Variants in ACP3 observed in about 807,000 individuals in gnomAD.
ACP3 encodes prostatic acid phosphatase.
ACP3 carries 38 observed loss-of-function variants against 45.6 expected under a neutral mutation model. The observed-to-expected ratio is 0.83, with a 90% confidence interval of 0.64 to 1.09. The LOEUF (loss-of-function observed/expected upper bound fraction) is 1.09. ACP3 is among the 50% of genes least tolerant of loss of function. The pLI is 0.00. For synonymous variants in ACP3, 162 were observed against 164.7 expected, an observed-to-expected ratio of 0.98 and a Z score of 0.13; for missense variants, 466 against 463.2, an observed-to-expected ratio of 1.01 and a Z score of -0.05.
chr3:132,324,577 G>T (rs760102336), intron 1 of ACP3, among the ~76,000 whole-genome samples: 1 of 152,140 alleles, frequency 6.6e-6, no homozygotes, highest in African/African-American at 2.4e-5. Flanking sequence ...ATTAAAAGAG[G>T]TAGCAGGGGA....
downstream of ACP3, among the ~76,000 whole-genome samples, chr3:132,359,256 T>C (rs1937987925): frequency 6.6e-6 from 1 of 152,206 alleles, no homozygotes; most frequent in Non-Finnish European, 1.5e-5. Context: ...CTCAGGCCTG[T>C]AATCCCAGCA....
At chr3:132,362,689 A>C (rs934573699), downstream of ACP3, among the ~76,000 whole-genome samples, 2 of 152,242 alleles carry the variant, frequency 1.3e-5, no homozygotes, top group Non-Finnish European at 2.9e-5. Flanking sequence ...TGAAACCTGA[A>C]GGAGAAATGG....
chr3:132,359,059 G>C (rs6787211), downstream of ACP3, among the ~76,000 whole-genome samples: 181 of 152,262 alleles, frequency 1.2e-3, no homozygotes, highest in African/African-American at 4.1e-3. Context: ...CAATATACTA[G>C]GGAAGTAAAG....
chr3:132,348,027 C>T (rs978242021), intron 7 of ACP3, among the ~76,000 whole-genome samples: 2 of 152,162 alleles, frequency 1.3e-5, no homozygotes, highest in Non-Finnish European at 2.9e-5. Flanking sequence ...TATTGAAATA[C>T]AGCCACACTC....
intron 1 of ACP3, among the ~76,000 whole-genome samples, chr3:132,324,366 G>A (rs1023772751): frequency 2.0e-5 from 3 of 152,122 alleles, no homozygotes; most frequent in East Asian, 1.9e-4. Context: ...ATTCATGGGG[G>A]CACCAAACCA....
intron 10 of ACP3, among the ~76,000 whole-genome samples, chr3:132,366,633 A>G (rs1021941158): frequency 2.6e-5 from 4 of 152,196 alleles, no homozygotes; most frequent in Non-Finnish European, 5.9e-5. Context: ...TCAAGAGTTC[A>G]GTTTTGGACT....
chr3:132,358,181 GGT>G lies in ACP3; in HGVS notation c.*1308_*1309del. ...GAGGCAGGAGGATCACTTTAGGCCT[GGT>G]GTGTTCAAGACCAGCCTGGTCAACA... On this transcript the variant is annotated 3_prime_UTR_variant, in exon 10 of 10. Coordinates refer to ENST00000336375, the MANE Select transcript of ACP3 (RefSeq NM_001099.5). 1.1e-6 allele frequency: 1 copy of G among 913,982 alleles called. No individual in the cohort carries two copies. The highest frequency in any genetic ancestry group is 1.3e-6 in the Non-Finnish European group (1 of 750,084). 56.6% of individuals were successfully genotyped at this position (913,982 alleles called of 1,614,324 possible).
intron 5 of ACP3, among the ~76,000 whole-genome samples, chr3:132,339,458 C>T (rs894054376): frequency 2.6e-5 from 4 of 152,332 alleles, no homozygotes; most frequent in South Asian, 2.1e-4. Flanking sequence ...GGCCCCAAAA[C>T]TGGCCACCCC....
intron 7 of ACP3, among the ~76,000 whole-genome samples, chr3:132,347,872 C>CA (rs781155077): frequency 3.1e-4 from 47 of 150,084 alleles, no homozygotes; most frequent in African/African-American, 7.4e-4. Context: ...CACACACACA[C>CA]CAAAAAAATC....
At chr3:132,338,920 G>A (rs1009682939) in intron 5 of ACP3, among the ~76,000 whole-genome samples, 8 of 152,080 alleles carry the variant, frequency 5.3e-5, no homozygotes, top group African/African-American at 1.9e-4. Flanking sequence ...ATGCAGGTTT[G>A]TTATATAGGT....
intron 10 of ACP3, among the ~76,000 whole-genome samples, chr3:132,364,237 C>A (rs977013876): frequency 6.6e-6 from 1 of 151,930 alleles, no homozygotes; most frequent in Non-Finnish European, 1.5e-5. Context: ...TCCCAGCTTC[C>A]CCCGGGAGGC....
rs1319728700 is a variant in ACP3 at position 132,344,925 on chromosome 3, A to G, written c.649-2A>G. 24 of 1,613,390 alleles carry G rather than the reference A, an allele frequency of 1.5e-5. No homozygotes were observed. The Admixed American group carries it at 3.5e-4, about 24-fold the overall frequency. On this transcript the variant is annotated splice_acceptor_variant, in intron 6 of 9. Coordinates refer to ENST00000336375, the MANE Select transcript of ACP3 (RefSeq NM_001099.5). LOFTEE classifies it high-confidence loss of function. Reference sequence around the variant, plus strand: ...ATTTTTCTTCCTTTTTCTTTGCTACAGAGTGTTCACAATTTCACTTTACCC... The same window carrying G: ...ATTTTTCTTCCTTTTTCTTTGCTACGGAGTGTTCACAATTTCACTTTACCC...
rs116709040 is a variant in ACP3, at chr3:132,349,199, T to C, written c.782-721T>C. Among the ~76,000 whole-genome samples, 1,052 of 152,236 alleles carry C rather than the reference T, an allele frequency of 6.9e-3. 19 individuals carry two copies. Among genetic ancestry groups the C allele is most frequent in the African/African-American group, 0.024 (995 of 41,532 alleles). ...TAGAAATAGGATAAATACTGTAAGC[T>C]CTATATCTGTCTTTCACCACCTCAG... is the stretch of plus-strand genomic sequence containing the variant. On this transcript the variant is annotated intron_variant, in intron 7 of 9. Transcript: ENST00000336375.
chr3:132,352,608 G>T (rs17242113), intron 8 of ACP3, 112 bp from the exon 9 acceptor site: 261,997 of 730,216 alleles, frequency 0.36, 49,421 homozygotes, highest in Middle Eastern at 0.45. Context: ...AAGTCATTGT[G>T]GGCGTATGGG....
chr3:132,363,660 C>G (rs1000460868), downstream of ACP3, among the ~76,000 whole-genome samples: 3 of 152,150 alleles, frequency 2.0e-5, no homozygotes, highest in African/African-American at 7.2e-5. Context: ...AGTGGTTGGC[C>G]AGGCACGGTG....
At chr3:132,341,509 T>G (rs1039424566) in intron 5 of ACP3, among the ~76,000 whole-genome samples, 2 of 152,230 alleles carry the variant, frequency 1.3e-5, no homozygotes, top group Admixed American at 1.3e-4. Context: ...TTGAATTACT[T>G]CCTGTTATTT....
intron 5 of ACP3, among the ~76,000 whole-genome samples, chr3:132,338,937 G>A (rs190197578): frequency 3.9e-4 from 60 of 152,218 alleles, no homozygotes; most frequent in African/African-American, 1.4e-3. Flanking sequence ...AGGTAAACAT[G>A]TGTCATGGGG....
chr3:132,357,252 T>C lies in ACP3; in HGVS notation c.*374T>C, dbSNP rs1937928744. The C allele has an allele frequency of 1.0e-6, 1 of 990,962 alleles. No homozygotes were observed. Among genetic ancestry groups the C allele is most frequent in the Admixed American group, 6.1e-5 (1 of 16,478 alleles). 61.4% of individuals were successfully genotyped at this position (990,962 alleles called of 1,614,324 possible). The stretch of plus-strand genomic sequence containing the variant: ...GCTTGAGCAGGATTAGATAAGGCTG[T>C]TCTTTAAATGTCTGAAATGGAACAG... On this transcript the variant is annotated 3_prime_UTR_variant, in exon 10 of 10. Transcript: ENST00000336375.
At chr3:132,363,524 C>T (rs961860875), downstream of ACP3, among the ~76,000 whole-genome samples, 2 of 152,188 alleles carry the variant, frequency 1.3e-5, no homozygotes, top group African/African-American at 2.4e-5. Context: ...TCTTCGTTCC[C>T]AGGGCCACAA....
Sources: gnomAD v4.1 joint callset for allele counts (sites outside exome capture counted in the v4.1 genomes callset) on GRCh38, gnomAD v4.1.1 for gene constraint, MANE v1.5 for transcripts, NCBI Gene and HGNC (gene_info 2026-07-23, HGNC 2026-07-21) for gene names.